The following TEAD1 variants were observed in gnomAD, a reference collection of about 807,000 sequenced individuals.
The protein encoded by TEAD1 is transcriptional enhancer factor TEF-1.
In TEAD1, 9 loss-of-function variants were observed where a neutral mutation model predicts 54.9. The observed-to-expected ratio is 0.16, with a 90% CI of 0.10 to 0.29. The LOEUF is 0.29. TEAD1 is among the 10% of genes least tolerant of loss of function. The probability of loss-of-function intolerance (pLI) is 1.00; values close to 1 mark genes in which losing one functional copy is unlikely to be tolerated. For synonymous variants in TEAD1, 200 were observed against 187.8 expected, an observed-to-expected ratio of 1.07 and a Z score of -0.53; for missense variants, 387 against 535.9, an observed-to-expected ratio of 0.72 and a Z score of 2.74.
intron 2 of TEAD1, among the ~76,000 whole-genome samples, chr11:12,750,229 G>A (rs186278321): frequency 5.9e-5 from 9 of 152,278 alleles, no homozygotes; most frequent in African/African-American, 1.9e-4. Context: ...TGTTGGGCTC[G>A]AGTGTGACCC....
chr11:12,762,497 G>C (rs1945122004), intron 2 of TEAD1, among the ~76,000 whole-genome samples: 1 of 152,174 alleles, frequency 6.6e-6, no homozygotes, highest in African/African-American at 2.4e-5. Context: ...CTTCACATTT[G>C]GCAATTTTGA....
intron 9 of TEAD1, among the ~76,000 whole-genome samples, chr11:12,887,729 A>G (rs4757962): frequency 0.98 from 148,574 of 152,314 alleles, 72,591 homozygotes; most frequent in East Asian, 1. Context: ...GTTTTGTTCC[A>G]ACAACAGAAA....
chr11:12,756,521 C>T (rs1944986143), intron 2 of TEAD1, among the ~76,000 whole-genome samples: 1 of 152,196 alleles, frequency 6.6e-6, no homozygotes, highest in African/African-American at 2.4e-5. Context: ...TATGCAAAAG[C>T]AATTAACCAT....
chr11:12,893,402 T>C (rs1020893192), intron 9 of TEAD1, among the ~76,000 whole-genome samples: 10 of 152,192 alleles, frequency 6.6e-5, no homozygotes, highest in African/African-American at 9.7e-5. Context: ...GCACACTCTC[T>C]TGTGGCAGCA....
At chr11:12,769,413 A>G (rs549939551) in intron 3 of TEAD1, among the ~76,000 whole-genome samples, 1 of 152,346 alleles carries the variant, frequency 6.6e-6, no homozygotes, top group Admixed American at 6.5e-5. Context: ...ATGAGAGTGC[A>G]CACAAGTAAG....
chr11:12,885,534 G>A (rs775257433), intron 9 of TEAD1, among the ~76,000 whole-genome samples: 1 of 152,052 alleles, frequency 6.6e-6, no homozygotes, highest in Non-Finnish European at 1.5e-5. Flanking sequence ...ACCGCACCCG[G>A]GCTTGAATTG....
chr11:12,862,006 T>TTTA (rs1491349705), intron 3 of TEAD1, among the ~76,000 whole-genome samples: 2 of 133,686 alleles, frequency 1.5e-5, no homozygotes, highest in African/African-American at 5.8e-5. Flanking sequence ...TTTTTTTTTT[T>TTTA]AAAAAAAAGG....
At chr11:12,884,184 T>TC (rs768072652) in intron 9 of TEAD1, among the ~76,000 whole-genome samples, 13 of 152,000 alleles carry the variant, frequency 8.6e-5, no homozygotes, top group Non-Finnish European at 1.8e-4. Flanking sequence ...GCATTTCCCA[T>TC]ACATATGTGA....
chr11:12,889,831 C>G (rs1468814506), intron 9 of TEAD1, among the ~76,000 whole-genome samples: 1 of 152,098 alleles, frequency 6.6e-6, no homozygotes, highest in African/African-American at 2.4e-5. Flanking sequence ...AAGGGATTGT[C>G]CCATCTCAGC....
intron 3 of TEAD1, among the ~76,000 whole-genome samples, chr11:12,853,703 C>G (rs1016748157): frequency 6.6e-6 from 1 of 152,154 alleles, no homozygotes; most frequent in African/African-American, 2.4e-5. Flanking sequence ...CTCTTTCTGA[C>G]CCCTGTAACC....
intron 3 of TEAD1, among the ~76,000 whole-genome samples, chr11:12,854,180 G>C (rs1226234355): frequency 6.6e-6 from 1 of 152,174 alleles, no homozygotes; most frequent in Non-Finnish European, 1.5e-5. Flanking sequence ...CGTTGGATAT[G>C]CTGTGGGACT....
rs550582306 is a variant in TEAD1, at chr11:12,826,069, A to G, written c.203-36181A>G. On this transcript the variant is annotated intron_variant, in intron 3 of 12. Coordinates refer to ENST00000527636, the MANE Select transcript of TEAD1 (RefSeq NM_021961.6). ...TGTAGAAGGTTAAGCTAAATCTTTT[A>G]GCACAACATAATAAAAAGTCTTCAT... 1.4e-4 allele frequency among the ~76,000 whole-genome samples: 21 copies of G among 152,362 alleles called. No individual in the cohort carries two copies. The South Asian group carries it at 4.1e-3, about 30-fold the overall frequency.
rs757790902 is a variant in TEAD1, at chr11:12,879,642, G to A, written c.331-66G>A. 11 of 1,607,154 alleles carry A rather than the reference G, an allele frequency of 6.8e-6. No individual in the cohort carries two copies. The East Asian group carries it at 2.2e-4, about 33-fold the overall frequency. On this transcript the variant is annotated intron_variant, in intron 5 of 12. Transcript: ENST00000527636. The stretch of plus-strand genomic sequence containing the variant: ...TTTTAGTCCATGTGCTCGTGGCTGT[G>A]CCTGTGTAACCTGCCTGGTAGCCAT...
intron 2 of TEAD1, among the ~76,000 whole-genome samples, chr11:12,719,952 T>G (rs922825235): frequency 7.9e-4 from 17 of 21,558 alleles, no homozygotes; most frequent in African/African-American, 5.5e-3. Context: ...ATCTAATGTT[T>G]TTTTTTTTTT....
At chr11:12,874,919 G>A (rs1422659948) in intron 5 of TEAD1, among the ~76,000 whole-genome samples, 4 of 152,182 alleles carry the variant, frequency 2.6e-5, no homozygotes, top group Middle Eastern at 3.4e-3. Context: ...ATAGAGGGAC[G>A]GAAAATCAGC....
chr11:12,696,462 C>T (rs1179372374), intron 2 of TEAD1, among the ~76,000 whole-genome samples: 3 of 152,126 alleles, frequency 2.0e-5, no homozygotes, highest in African/African-American at 7.2e-5. Flanking sequence ...AGCCACTTTG[C>T]AGAGAGACAA....
At chr11:12,879,526 G>A (rs1397706328) in intron 5 of TEAD1, 182 bp from the exon 6 acceptor site, 1 of 745,560 alleles carries the variant, frequency 1.3e-6, no homozygotes, top group Non-Finnish European at 2.3e-6. Flanking sequence ...TAAATGTTGA[G>A]AGGTACGGTA....
At chr11:12,888,104 G>C (rs983277173) in intron 9 of TEAD1, among the ~76,000 whole-genome samples, 1 of 152,234 alleles carries the variant, frequency 6.6e-6, no homozygotes, top group Non-Finnish European at 1.5e-5. Flanking sequence ...ATTGAGCTCT[G>C]TGAGGTAGGT....
At chr11:12,936,251 A>G (rs1176390720) in intron 12 of TEAD1, among the ~76,000 whole-genome samples, 1 of 152,152 alleles carries the variant, frequency 6.6e-6, no homozygotes, top group Non-Finnish European at 1.5e-5. Context: ...GTGTGGAGGG[A>G]GCTGCAATGA....
Sources: allele counts gnomAD v4.1 joint callset (sites outside exome capture counted in the v4.1 genomes callset), GRCh38; gene constraint gnomAD v4.1.1; transcripts MANE v1.5; gene names NCBI Gene and HGNC (gene_info 2026-07-23, HGNC 2026-07-21).